The following ROBO2 variants were observed in gnomAD, a reference collection of about 807,000 sequenced individuals.
ROBO2 encodes the protein roundabout guidance receptor 2, also known as roundabout homolog 2.
ROBO2 carries 53 observed loss-of-function variants against 160.8 expected under a neutral mutation model. The ratio of observed to expected loss-of-function variants is 0.33; its 90% CI spans 0.26 to 0.41. ROBO2 has a LOEUF of 0.41. Among genes scored for constraint, ROBO2 ranks in the 10% least tolerant of loss-of-function variants. The pLI, the probability that ROBO2 is intolerant of heterozygous loss-of-function variation, is 1.00. For missense variants in ROBO2, 1,577 were observed against 1,722.4 expected (o/e 0.92, Z 1.49); for synonymous variants, 664 against 611.7 (o/e 1.09, Z -1.26).
chr3:77,271,956 A>G lies in ROBO2; in HGVS notation c.388+173616A>G, dbSNP rs1034068649. 2.0e-5 allele frequency among the ~76,000 whole-genome samples: 3 copies of G among 152,218 alleles called. No individual in the cohort carries two copies. The South Asian group carries it at 6.2e-4, about 31-fold the overall frequency. ...GGTTGGGAATTTCTTTGCCTGCTGC[A>G]TGAATACACTTCCCTGCAGAGTGTA... On this transcript the variant is annotated intron_variant, in intron 2 of 25. Coordinates refer to ENST00000461745, the Ensembl canonical transcript of ROBO2.
intron 2 of ROBO2, among the ~76,000 whole-genome samples, chr3:76,758,768 T>C (rs1576457948): frequency 6.6e-6 from 1 of 151,854 alleles, no homozygotes; most frequent in Admixed American, 6.6e-5. Flanking sequence ...TGTCCATTGG[T>C]GTTTATTTTC....
chr3:77,276,047 T>C (rs921801365), intron 2 of ROBO2, among the ~76,000 whole-genome samples: 6 of 152,178 alleles, frequency 3.9e-5, no homozygotes, highest in Non-Finnish European at 8.8e-5. Context: ...GTATGTGTTA[T>C]GTAGCTTGGA....
At chr3:76,811,506 C>T (rs1002472816) in intron 2 of ROBO2, among the ~76,000 whole-genome samples, 3 of 152,016 alleles carry the variant, frequency 2.0e-5, no homozygotes, top group South Asian at 2.1e-4. Context: ...TTTTAAATGT[C>T]GTGTTTTAAA....
chr3:77,499,742 G>A (rs575417614), intron 5 of ROBO2, among the ~76,000 whole-genome samples: 19 of 148,710 alleles, frequency 1.3e-4, no homozygotes, highest in East Asian at 6.0e-4. Context: ...TCCACCTCCC[G>A]GGTTCAAGTG....
intron 2 of ROBO2, among the ~76,000 whole-genome samples, chr3:76,912,804 G>A (rs1018179633): frequency 6.6e-6 from 1 of 151,776 alleles, no homozygotes; most frequent in Non-Finnish European, 1.5e-5. Context: ...TAAACAAAAA[G>A]TATTAGGTTT....
intron 2 of ROBO2, among the ~76,000 whole-genome samples, chr3:76,476,636 G>A (rs1411273226): frequency 6.6e-6 from 1 of 152,154 alleles, no homozygotes; most frequent in Non-Finnish European, 1.5e-5. Flanking sequence ...TGGGAGAGGT[G>A]GCGGCCTTTT....
intron 2 of ROBO2, among the ~76,000 whole-genome samples, chr3:76,577,666 G>A (rs1431414015): frequency 6.6e-6 from 1 of 152,088 alleles, no homozygotes; most frequent in African/African-American, 2.4e-5. Context: ...CTTTCTAGGG[G>A]AACTGGGGAA....
At chr3:76,101,691 T>TCCCCCCCCC (rs567450621) in intron 2 of ROBO2, among the ~76,000 whole-genome samples, 3 of 107,360 alleles carry the variant, frequency 2.8e-5, no homozygotes, top group Non-Finnish European at 5.8e-5. Context: ...ATGCTATCCC[T>TCCCCCCCCC]CCCCCCTCCC....
chr3:76,713,484 G>A (rs554244170), intron 2 of ROBO2, among the ~76,000 whole-genome samples: 1 of 152,012 alleles, frequency 6.6e-6, no homozygotes, highest in East Asian at 1.9e-4. Flanking sequence ...AAATATTTCC[G>A]AGGAACTGTA....
chr3:77,457,998 C>A (rs1056815928), intron 2 of ROBO2, among the ~76,000 whole-genome samples: 1 of 151,982 alleles, frequency 6.6e-6, no homozygotes, highest in Non-Finnish European at 1.5e-5. Flanking sequence ...TTATGCAAAA[C>A]CATGATAATG....
At position 77,607,887 on chromosome 3, in the gene ROBO2, C is replaced by A. The variant is rs776356404; in HGVS notation, c.3226C>A (p.Pro1076Thr). 1.4e-5 allele frequency: 22 copies of A among 1,605,106 alleles called. No individual in the cohort carries two copies. The Middle Eastern group carries it at 4.9e-4, about 36-fold the overall frequency. The stretch of plus-strand genomic sequence containing the variant: ...CACTTGGGCCAATGTCCCTCTACCT[C>A]CCCCCCCAGTCCAGCCCCTTCCTGG... The change falls in exon 21 of 26, where the codon CCC becomes ACC. Residue 1076 changes from proline to threonine, a missense_variant. Around this residue, in one of 2 missense-constraint regions of ROBO2, gnomAD observed 637 missense variants for 586.9 expected, o/e 1.09. Coordinates refer to ENST00000461745, the Ensembl canonical transcript of ROBO2.
At chr3:76,865,142 A>T (rs1420377584) in intron 2 of ROBO2, among the ~76,000 whole-genome samples, 2 of 152,076 alleles carry the variant, frequency 1.3e-5, no homozygotes, top group Non-Finnish European at 2.9e-5. Context: ...CTAAAAAAAA[A>T]AATCCAAAAA....
intron 2 of ROBO2, among the ~76,000 whole-genome samples, chr3:77,184,638 A>C (rs925805487): frequency 3.3e-5 from 5 of 152,032 alleles, no homozygotes; most frequent in East Asian, 1.9e-4. Context: ...CAATGTGAGC[A>C]AAAGGTAAGA....
intron 2 of ROBO2, among the ~76,000 whole-genome samples, chr3:77,253,491 T>TA (rs1246342218): frequency 6.6e-6 from 1 of 152,188 alleles, no homozygotes; most frequent in Non-Finnish European, 1.5e-5. Context: ...TATCATCTTT[T>TA]AAAAAAATTA....
intron 11 of ROBO2, among the ~76,000 whole-genome samples, chr3:77,563,838 T>G (rs1582972361): frequency 6.6e-6 from 1 of 152,278 alleles, no homozygotes; most frequent in East Asian, 1.9e-4. Flanking sequence ...TTAATAAATT[T>G]ATTCCATGTG....
chr3:77,459,410 G>A (rs955081169), intron 2 of ROBO2, among the ~76,000 whole-genome samples: 2 of 152,144 alleles, frequency 1.3e-5, no homozygotes, highest in East Asian at 3.9e-4. Context: ...TTATTCATCT[G>A]TTTATTCAAT....
intron 2 of ROBO2, among the ~76,000 whole-genome samples, chr3:76,544,894 T>C (rs368189440): frequency 2.6e-5 from 4 of 152,138 alleles, no homozygotes; most frequent in African/African-American, 7.2e-5. Context: ...GCTACCCTTT[T>C]GTTGACTCAA....
intron 2 of ROBO2, among the ~76,000 whole-genome samples, chr3:76,341,165 T>C (rs745459331): frequency 1.6e-4 from 25 of 152,196 alleles, no homozygotes; most frequent in Non-Finnish European, 2.9e-4. Flanking sequence ...AATGCTACCA[T>C]AACAATATTA....
intron 2 of ROBO2, among the ~76,000 whole-genome samples, chr3:76,320,564 C>T (rs557686868): frequency 3.3e-5 from 5 of 152,116 alleles, no homozygotes; most frequent in Admixed American, 6.6e-5. Context: ...CTGGAGACAG[C>T]GGCATTTTGT....
Sources: gnomAD v4.1 joint callset for allele counts (sites outside exome capture counted in the v4.1 genomes callset) on GRCh38, gnomAD v4.1.1 for gene constraint, gnomAD v4.1.1 regional missense constraint, MANE v1.5 for transcripts, NCBI Gene and HGNC (gene_info 2026-07-23, HGNC 2026-07-21) for gene names.